The following SWT1 variants were observed in gnomAD, a reference collection of about 807,000 sequenced individuals.
SWT1 encodes the protein transcriptional protein SWT1.
A neutral mutation model predicts 107.3 loss-of-function variants in SWT1; 33 were observed. That is an observed-to-expected ratio of 0.31 (90% CI 0.23 to 0.41). The LOEUF (loss-of-function observed/expected upper bound fraction) is 0.41. Ranked by LOEUF, SWT1 falls within the 10% of genes least tolerant of loss-of-function variation. The pLI, the probability that SWT1 is intolerant of heterozygous loss-of-function variation, is 1.00. For missense variants in SWT1, 898 were observed against 1,028.9 expected (o/e 0.87, Z 1.74); for synonymous variants, 345 against 348.3 (o/e 0.99, Z 0.11).
chr1:185,181,915 A>G, intron 6 of SWT1, 31 bp from the exon 7 acceptor site: 2 of 1,612,402 alleles, frequency 1.2e-6, no homozygotes, highest in East Asian at 2.2e-5. Flanking sequence ...AAGTAACTCA[A>G]AATATTTCAC....
chr1:185,196,945 T>A (rs1385636762), intron 10 of SWT1, among the ~76,000 whole-genome samples: 1 of 152,176 alleles, frequency 6.6e-6, no homozygotes, highest in African/African-American at 2.4e-5. Flanking sequence ...ACCCTTTATT[T>A]CTTTCTGTTT....
Position 185,177,101 on chromosome 1 carries a change from G to A in SWT1, c.966+1988G>A, listed in dbSNP as rs1039431431. 5.4e-6 allele frequency: 5 copies of A among 933,994 alleles called. No homozygotes were observed. In the African/African-American group the frequency reaches 8.9e-5, roughly 17 times the overall value. The allele number at this position is 933,994 out of a possible 1,614,324, so 57.9% of individuals were successfully genotyped here. A position where few individuals can be genotyped will look rare whatever the true frequency, so the allele number is the denominator to read the frequency against. ...GGGAATTAGTATTTTTAGTTTAAGT[G>A]AACTGGAAGGGGCCCAAAGAGGGCA... On this transcript the variant is annotated intron_variant, in intron 5 of 18. Coordinates refer to ENST00000367500, the MANE Select transcript of SWT1 (RefSeq NM_017673.7).
intron 16 of SWT1, among the ~76,000 whole-genome samples, 183 bp downstream of exon 16, chr1:185,231,891 C>T (rs1235188492): frequency 6.6e-6 from 1 of 152,028 alleles, no homozygotes; most frequent in African/African-American, 2.4e-5. Context: ...GCAGTTTTAT[C>T]GTTATGTACC....
chr1:185,241,791 GT>G (rs2102610554), intron 16 of SWT1, among the ~76,000 whole-genome samples: 2 of 152,194 alleles, frequency 1.3e-5, no homozygotes, highest in South Asian at 4.1e-4. Flanking sequence ...TAGATGAATA[GT>G]TAATGTAGAG....
In SWT1 at chr1:185,276,685, T is replaced by C; in HGVS notation, c.2573+17T>C. On this transcript the variant is annotated intron_variant, in intron 18 of 18. Transcript: ENST00000367500. Reference sequence around the variant, plus strand: ...TGAGTATAGGTAAGTCATATCTATATATAGATATAAACCATTGTAACAAGC... The same window carrying C: ...TGAGTATAGGTAAGTCATATCTATACATAGATATAAACCATTGTAACAAGC... The C allele has an allele frequency of 7.1e-7, 1 of 1,411,642 alleles. No homozygotes were observed. Among genetic ancestry groups the C allele is most frequent in the Non-Finnish European group, 9.9e-7 (1 of 1,011,650 alleles). 87.4% of individuals were successfully genotyped at this position (1,411,642 alleles called of 1,614,324 possible). A position where few individuals can be genotyped will look rare whatever the true frequency, so the allele number is the denominator to read the frequency against.
intron 2 of SWT1, among the ~76,000 whole-genome samples, chr1:185,164,815 G>A (rs1286631940): frequency 1.3e-5 from 2 of 152,148 alleles, no homozygotes; most frequent in Non-Finnish European, 2.9e-5. Flanking sequence ...ATCAGTAATA[G>A]GGCTGTTTTG....
rs866029139 is a variant in SWT1 at position 185,180,365 on chromosome 1, A to C, written c.967-26A>C. ...CCTATTTAGGTTATGCTTTATTCTT[A>C]GCTAATGAAATTACTTTCATTTCAG... On this transcript the variant is annotated intron_variant, in intron 5 of 18. Coordinates refer to ENST00000367500, the MANE Select transcript of SWT1 (RefSeq NM_017673.7). 1.9e-6 allele frequency: 3 copies of C among 1,584,178 alleles called. No individual in the cohort carries two copies. In the Middle Eastern group the frequency reaches 5.0e-4, roughly 265 times the overall value.
At chr1:185,246,117 A>G (rs185479723) in intron 16 of SWT1, among the ~76,000 whole-genome samples, 90 of 152,098 alleles carry the variant, frequency 5.9e-4, no homozygotes, top group African/African-American at 2.1e-3. Context: ...TCCATTGTTG[A>G]CCAAAATGTC....
intron 6 of SWT1, among the ~76,000 whole-genome samples, chr1:185,181,292 C>G (rs1655999954): frequency 6.6e-6 from 1 of 152,084 alleles, no homozygotes; most frequent in African/African-American, 2.4e-5. Context: ...AACTTTCAGA[C>G]TATATTAATT....
At chr1:185,168,593 C>A (rs918868516) in intron 4 of SWT1, among the ~76,000 whole-genome samples, 195 bp downstream of exon 4, 2 of 152,096 alleles carry the variant, frequency 1.3e-5, no homozygotes, top group Admixed American at 1.3e-4. Flanking sequence ...AAATAAAAAT[C>A]TATGAAAACT....
intron 9 of SWT1, among the ~76,000 whole-genome samples, chr1:185,188,894 G>A (rs1656714204): frequency 6.6e-6 from 1 of 152,112 alleles, no homozygotes; most frequent in Non-Finnish European, 1.5e-5. Context: ...AATAAGTCTA[G>A]GGAGTTCTCA....
chr1:185,235,585 G>C (rs1043080565), intron 16 of SWT1, among the ~76,000 whole-genome samples: 1 of 152,064 alleles, frequency 6.6e-6, no homozygotes, highest in Non-Finnish European at 1.5e-5. Flanking sequence ...AGCTATTTAC[G>C]ACAAACCCAT....
chr1:185,157,542 T>A (rs1653714645), intron 1 of SWT1: 1 of 94,388 alleles, frequency 1.1e-5, no homozygotes, highest in Admixed American at 1.2e-4. Flanking sequence ...TGGGGTCTGG[T>A]CGGTTCGTGC....
intron 4 of SWT1, among the ~76,000 whole-genome samples, chr1:185,169,468 C>T (rs1476834029): frequency 6.6e-6 from 1 of 151,962 alleles, no homozygotes; most frequent in South Asian, 2.1e-4. Flanking sequence ...AATTGGTGTG[C>T]AAACAGTGAA....
chr1:185,269,002 G>A (rs1663622042), intron 16 of SWT1, among the ~76,000 whole-genome samples: 1 of 151,938 alleles, frequency 6.6e-6, no homozygotes, highest in Non-Finnish European at 1.5e-5. Flanking sequence ...ACAGGCGCCC[G>A]CCACTACGCC....
At chr1:185,266,957 G>T (rs570716921) in intron 16 of SWT1, among the ~76,000 whole-genome samples, 10 of 152,104 alleles carry the variant, frequency 6.6e-5, no homozygotes, top group African/African-American at 2.4e-4. Flanking sequence ...ACATATAAAA[G>T]CAATAGTTTA....
At chr1:185,264,152 A>G (rs1209884941) in intron 16 of SWT1, 1 of 164,494 alleles carries the variant, frequency 6.1e-6, no homozygotes, top group Non-Finnish European at 1.2e-5. Flanking sequence ...TGGGTTCTCT[A>G]CTAATAACAA....
chr1:185,288,208 A>G (rs906043285), intron 18 of SWT1, among the ~76,000 whole-genome samples: 3 of 152,192 alleles, frequency 2.0e-5, no homozygotes, highest in African/African-American at 7.2e-5. Flanking sequence ...AGAAAATGAG[A>G]TTAGGGTTAC....
intron 4 of SWT1, among the ~76,000 whole-genome samples, chr1:185,171,062 C>T (rs1332615753): frequency 6.6e-6 from 1 of 152,168 alleles, no homozygotes; most frequent in Non-Finnish European, 1.5e-5. Flanking sequence ...GCCTACATCT[C>T]CCCACCCTCA....
Sources: gnomAD v4.1 joint callset for allele counts (sites outside exome capture counted in the v4.1 genomes callset) on GRCh38, gnomAD v4.1.1 for gene constraint, MANE v1.5 for transcripts, NCBI Gene and HGNC (gene_info 2026-07-23, HGNC 2026-07-21) for gene names.